PRKCE: variants seen among roughly 807,000 people sequenced by gnomAD.
PRKCE encodes protein kinase C epsilon.
Under a neutral mutation model 85.4 loss-of-function variants are expected in PRKCE, and 16 were observed. That is an observed-to-expected ratio of 0.19 (90% CI 0.13 to 0.28). The LOEUF is 0.28. Ranked by LOEUF, PRKCE falls within the 10% of genes least tolerant of loss-of-function variation. The pLI is 1.00. For synonymous variants in PRKCE, 388 were observed against 371.5 expected, an observed-to-expected ratio of 1.04 and a Z score of -0.51; for missense variants, 573 against 975.2, an observed-to-expected ratio of 0.59 and a Z score of 5.49.
At chr2:45,808,791 A>T (rs562299786) in intron 1 of PRKCE, among the ~76,000 whole-genome samples, 1 of 152,280 alleles carries the variant, frequency 6.6e-6, no homozygotes, top group African/African-American at 2.4e-5. Context: ...CCAGTGAGGG[A>T]GAGTGCCTTG....
chr2:45,981,056 A>G (rs1702853629), intron 5 of PRKCE, among the ~76,000 whole-genome samples: 1 of 152,244 alleles, frequency 6.6e-6, no homozygotes, highest in South Asian at 2.1e-4. Flanking sequence ...TGACCACTGC[A>G]CTACGTTGTC....
intron 2 of PRKCE, among the ~76,000 whole-genome samples, chr2:45,870,661 G>T (rs770625373): frequency 6.6e-6 from 1 of 152,168 alleles, no homozygotes; most frequent in Non-Finnish European, 1.5e-5. Flanking sequence ...AGAGCCTCGT[G>T]GTCAAGGGTG....
rs182809594 is a variant in PRKCE at position 46,082,628 on chromosome 2, G to A, written c.1438-3580G>A. On this transcript the variant is annotated intron_variant, in intron 10 of 14. Coordinates refer to ENST00000306156, the MANE Select transcript of PRKCE (RefSeq NM_005400.3). Reference sequence around the variant, plus strand: ...TCCTCAGCAAGCACTCAGTGAGGATGGGGAGCATCTGGAGCCCAGCCTCGT... The same window carrying A: ...TCCTCAGCAAGCACTCAGTGAGGATAGGGAGCATCTGGAGCCCAGCCTCGT... Among the ~76,000 whole-genome samples, 149 of 152,304 alleles carry A rather than the reference G, an allele frequency of 9.8e-4. 1 individual carries two copies. The highest frequency in any genetic ancestry group is 3.5e-3 in the African/African-American group (145 of 41,564).
intron 2 of PRKCE, among the ~76,000 whole-genome samples, chr2:45,922,770 T>A (rs1698344549): frequency 6.6e-6 from 1 of 152,208 alleles, no homozygotes; most frequent in Non-Finnish European, 1.5e-5. Flanking sequence ...GAGATTATCA[T>A]GGAGTTGAGA....
At chr2:46,094,425 G>T (rs551967053) in intron 11 of PRKCE, among the ~76,000 whole-genome samples, 1 of 152,136 alleles carries the variant, frequency 6.6e-6, no homozygotes, top group Non-Finnish European at 1.5e-5. Context: ...GTTTGACTGG[G>T]CATAGAATTT....
chr2:45,670,737 G>C (rs1201688360), intron 1 of PRKCE, among the ~76,000 whole-genome samples: 2 of 152,210 alleles, frequency 1.3e-5, no homozygotes, highest in African/African-American at 4.8e-5. Context: ...TCATTCCCCA[G>C]GGAAAGACTG....
intron 2 of PRKCE, among the ~76,000 whole-genome samples, chr2:45,955,089 GTAC>G (rs1700881308): frequency 6.6e-6 from 1 of 151,564 alleles, no homozygotes; most frequent in African/African-American, 2.4e-5. Context: ...ACTCCATCAA[GTAC>G]TCCATCAAGT....
chr2:45,714,817 A>G (rs1217656494), intron 1 of PRKCE, among the ~76,000 whole-genome samples: 1 of 152,182 alleles, frequency 6.6e-6, no homozygotes, highest in Non-Finnish European at 1.5e-5. Flanking sequence ...TTGGAGTCTA[A>G]TGTCTGTATC....
At chr2:45,946,497 T>G (rs917824736) in intron 2 of PRKCE, among the ~76,000 whole-genome samples, 1 of 152,200 alleles carries the variant, frequency 6.6e-6, no homozygotes, top group African/African-American at 2.4e-5. Flanking sequence ...AAAACAGAAC[T>G]GTCTAATCCC....
intron 1 of PRKCE, chr2:45,676,900 A>G (rs961350312): frequency 6.6e-6 from 1 of 152,232 alleles, no homozygotes; most frequent in Non-Finnish European, 1.5e-5. Context: ...TAGGTACCCT[A>G]ATCTCAGAGG....
intron 1 of PRKCE, among the ~76,000 whole-genome samples, chr2:45,831,039 G>A (rs984876795): frequency 1.8e-4 from 27 of 152,256 alleles, no homozygotes; most frequent in African/African-American, 5.8e-4. Context: ...GAGAGCGTCA[G>A]CTCAGATCAG....
chr2:46,004,700 C>G lies in PRKCE; in HGVS notation c.1063+62C>G, dbSNP rs1705017165. The stretch of plus-strand genomic sequence containing the variant: ...CTGCCATTGGATGGACCAAGGAGCT[C>G]TGAGGCCTCTTTAACCAAGAGTGAG... On this transcript the variant is annotated intron_variant, in intron 8 of 14. Transcript: ENST00000306156. The surrounding 1 kb of genome is among the most constrained non-coding windows in gnomAD (Gnocchi z 4.1). The G allele has an allele frequency of 1.4e-6, 2 of 1,389,590 alleles. No individual in the cohort carries two copies. Among genetic ancestry groups the G allele is most frequent in the Non-Finnish European group, 2.0e-6 (2 of 1,013,026 alleles). The allele number at this position is 1,389,590 out of a possible 1,614,324, so 86.1% of individuals were successfully genotyped here. A position where few individuals can be genotyped will look rare whatever the true frequency, so the allele number is the denominator to read the frequency against.
chr2:45,957,404 T>C (rs1574019886), intron 2 of PRKCE, among the ~76,000 whole-genome samples: 1 of 152,396 alleles, frequency 6.6e-6, no homozygotes, highest in East Asian at 1.9e-4. Flanking sequence ...TGCACCTTTT[T>C]TGAAAATCAA....
At chr2:46,163,357 A>G (rs1345425783) in intron 14 of PRKCE, among the ~76,000 whole-genome samples, 2 of 150,762 alleles carry the variant, frequency 1.3e-5, no homozygotes, top group Middle Eastern at 3.4e-3. Flanking sequence ...GCCACGGGGA[A>G]GTTGAGCTTC....
chr2:45,879,070 TC>T (rs1694689273), intron 2 of PRKCE, among the ~76,000 whole-genome samples: 2 of 152,224 alleles, frequency 1.3e-5, no homozygotes, highest in African/African-American at 4.8e-5. Flanking sequence ...ATCCTCGTTT[TC>T]CCACTCGAAT....
At chr2:45,802,676 T>C (rs1263107487) in intron 1 of PRKCE, among the ~76,000 whole-genome samples, 1 of 152,188 alleles carries the variant, frequency 6.6e-6, no homozygotes, top group African/African-American at 2.4e-5. Flanking sequence ...TCCGCCCCAC[T>C]TCACAGCCCG....
intron 11 of PRKCE, among the ~76,000 whole-genome samples, chr2:46,141,114 C>G (rs915452447): frequency 1.4e-4 from 21 of 151,930 alleles, no homozygotes; most frequent in African/African-American, 4.6e-4. Flanking sequence ...TCTTGTAGTA[C>G]CTGATTCAGA....
chr2:45,687,778 A>G (rs959943538), intron 1 of PRKCE, among the ~76,000 whole-genome samples: 6 of 152,256 alleles, frequency 3.9e-5, no homozygotes, highest in Admixed American at 6.5e-5. Context: ...AATTTAGAAC[A>G]TTATTCCAAT....
At chr2:45,701,034 G>A (rs1217322939) in intron 1 of PRKCE, among the ~76,000 whole-genome samples, 1 of 152,188 alleles carries the variant, frequency 6.6e-6, no homozygotes, top group Non-Finnish European at 1.5e-5. Context: ...TGGAAGGAAG[G>A]CATTTCCATT....
Sources: allele counts gnomAD v4.1 joint callset (sites outside exome capture counted in the v4.1 genomes callset), GRCh38; gene constraint gnomAD v4.1.1; non-coding constraint Gnocchi (gnomAD v3.1); transcripts MANE v1.5; gene names NCBI Gene and HGNC (gene_info 2026-07-23, HGNC 2026-07-21).